Variants in ZBTB40 observed in about 807,000 individuals in gnomAD.
The protein encoded by ZBTB40 is zinc finger and BTB domain-containing protein 40.
Under a neutral mutation model 117.5 loss-of-function variants are expected in ZBTB40, and 60 were observed. The ratio of observed to expected loss-of-function variants is 0.51; its 90% CI spans 0.41 to 0.63. The LOEUF (loss-of-function observed/expected upper bound fraction) is 0.63. Among genes scored for constraint, ZBTB40 ranks in the 30% least tolerant of loss-of-function variants. The pLI is 0.00. For missense variants in ZBTB40, 1,287 were observed against 1,498.5 expected, an observed-to-expected ratio of 0.86 and a Z score of 2.33; for synonymous variants, 525 against 577.1, an observed-to-expected ratio of 0.91 and a Z score of 1.29.
upstream of ZBTB40, among the ~76,000 whole-genome samples, chr1:22,447,754 A>AGCAG (rs147473012): frequency 6.6e-6 from 1 of 152,348 alleles, no homozygotes; most frequent in East Asian, 1.9e-4. Flanking sequence ...GGGATGGATA[A>AGCAG]GCAGGCAGGC....
At position 22,462,559 on chromosome 1, in the gene ZBTB40, A is replaced by G. The variant is rs979516310; in HGVS notation, c.-70+10555A>G. Among the ~76,000 whole-genome samples, 4 of 152,194 alleles carry G rather than the reference A, an allele frequency of 2.6e-5. No individual in the cohort carries two copies. The South Asian group carries it at 8.3e-4, about 31-fold the overall frequency. On this transcript the variant is annotated intron_variant, in intron 1 of 17. Coordinates refer to ENST00000375647, the MANE Select transcript of ZBTB40 (RefSeq NM_014870.4). ...TCCACTTAGAATATATATCTAAGCC[A>G]TAGGTAACGGGAAGAGTCTCATTTC...
rs114141437 is a variant in ZBTB40 at position 22,474,274 on chromosome 1, C to T, written c.-69-15606C>T. 8.2e-3 allele frequency among the ~76,000 whole-genome samples: 1,249 copies of T among 152,304 alleles called. 12 individuals carry two copies. The highest frequency in any genetic ancestry group is 0.012 in the Non-Finnish European group (840 of 68,024). On this transcript the variant is annotated intron_variant, in intron 1 of 17. Coordinates refer to ENST00000375647, the MANE Select transcript of ZBTB40 (RefSeq NM_014870.4). ...GAAGGAATCATGATGACAGTGAAAG[C>T]ATTTGAAACAATGATGATACATGTG...
intron 1 of ZBTB40, among the ~76,000 whole-genome samples, chr1:22,444,223 G>A (rs1227847491): frequency 2.6e-5 from 4 of 152,036 alleles, no homozygotes; most frequent in Non-Finnish European, 5.9e-5. Flanking sequence ...GACCAGCCTG[G>A]CAAACATGCG....
intron 10 of ZBTB40, 151 bp from the exon 11 acceptor site, chr1:22,511,525 T>C (rs1050625229): frequency 1.6e-5 from 20 of 1,240,832 alleles, no homozygotes; most frequent in Admixed American, 5.1e-5. Flanking sequence ...TTTGTGTTTA[T>C]TGGAAAGTAA....
intron 1 of ZBTB40, among the ~76,000 whole-genome samples, chr1:22,445,184 C>T (rs1464441963): frequency 2.6e-5 from 4 of 152,180 alleles, no homozygotes; most frequent in African/African-American, 7.2e-5. Context: ...TACTGTAACA[C>T]GTTCAGCCAA....
At chr1:22,519,918 G>T in intron 13 of ZBTB40, 143 bp from the exon 14 acceptor site, 1 of 807,428 alleles carries the variant, frequency 1.2e-6, no homozygotes, top group Non-Finnish European at 2.2e-6. Context: ...TCTGATCCTT[G>T]GAGTCTATGA....
intron 1 of ZBTB40, among the ~76,000 whole-genome samples, chr1:22,477,348 G>A (rs1258657236): frequency 6.6e-6 from 1 of 152,140 alleles, no homozygotes; most frequent in African/African-American, 2.4e-5. Flanking sequence ...ACTGTTTTAA[G>A]TGTGAATACA....
upstream of ZBTB40, among the ~76,000 whole-genome samples, chr1:22,450,316 A>G (rs1640845329): frequency 6.6e-6 from 1 of 152,224 alleles, no homozygotes; most frequent in African/African-American, 2.4e-5. Flanking sequence ...TGTTTGCTAA[A>G]TCTAGCAACC....
intron 16 of ZBTB40, 81 bp from the exon 17 acceptor site, chr1:22,524,137 A>G: frequency 1.5e-6 from 2 of 1,359,056 alleles, no homozygotes; most frequent in African/African-American, 1.4e-5. Context: ...CTTTCCTCTC[A>G]TGTCTTCCTG....
At chr1:22,480,435 G>A (rs953406348) in intron 1 of ZBTB40, among the ~76,000 whole-genome samples, 1 of 152,080 alleles carries the variant, frequency 6.6e-6, no homozygotes, top group Non-Finnish European at 1.5e-5. Flanking sequence ...AGCTTTTATA[G>A]ATTTACTTTT....
chr1:22,476,062 C>T (rs1641542475), intron 1 of ZBTB40, among the ~76,000 whole-genome samples: 1 of 152,180 alleles, frequency 6.6e-6, no homozygotes, highest in Non-Finnish European at 1.5e-5. Context: ...ACAGAACATC[C>T]ACTTTATTGA....
intron 1 of ZBTB40, among the ~76,000 whole-genome samples, chr1:22,445,816 C>T (rs1433865522): frequency 6.8e-6 from 1 of 147,702 alleles, no homozygotes; most frequent in African/African-American, 2.5e-5. Flanking sequence ...GATCACACCA[C>T]TGCACTCCAG....
intron 3 of ZBTB40, among the ~76,000 whole-genome samples, chr1:22,498,587 G>T (rs1638843214): frequency 6.6e-6 from 1 of 152,196 alleles, no homozygotes; most frequent in South Asian, 2.1e-4. Context: ...TAGCATCACT[G>T]TTGAGCAACA....
rs1004892010 is a variant in ZBTB40, at chr1:22,528,144, G to A, written c.*1748G>A. On this transcript the variant is annotated 3_prime_UTR_variant, in exon 18 of 18. Transcript: ENST00000375647. The stretch of plus-strand genomic sequence containing the variant: ...GGCTCACTGTTTCTACCAAGGCTGT[G>A]CCTGTATTAAGGCTTTTCCGTCCTG... 7 of 152,804 alleles carry A rather than the reference G, an allele frequency of 4.6e-5. No individual in the cohort carries two copies. Among genetic ancestry groups the A allele is most frequent in the Non-Finnish European group, 7.3e-5 (5 of 68,060 alleles). The allele number at this position is 152,804 out of a possible 1,614,324, so 9.5% of individuals were successfully genotyped here. A position where few individuals can be genotyped will look rare whatever the true frequency, so the allele number is the denominator to read the frequency against.
In ZBTB40 at chr1:22,527,528, G is replaced by T. The variant is rs1444669940; in HGVS notation, c.*1132G>T. The T allele has an allele frequency of 6.6e-6, 1 of 152,400 alleles. No individual in the cohort carries two copies. The highest frequency in any genetic ancestry group is 1.5e-5 in the Non-Finnish European group (1 of 68,050). 9.4% of individuals were successfully genotyped at this position (152,400 alleles called of 1,614,324 possible). On this transcript the variant is annotated 3_prime_UTR_variant, in exon 18 of 18. Transcript: ENST00000375647. ...ATGAAGTGCAATTAGATAGATGTAG[G>T]TTCCTGCCGTTTGGAGAGAATGACT...
intron 1 of ZBTB40, among the ~76,000 whole-genome samples, chr1:22,468,643 C>CTTTTTTTTTTTTTTT (rs71020424): frequency 2.8e-4 from 8 of 28,610 alleles, no homozygotes; most frequent in Non-Finnish European, 3.6e-4. Context: ...GCCTGGCTGG[C>CTTTTTTTTTTTTTTT]TTTTTTTTTT....
At position 22,511,829 on chromosome 1, in the gene ZBTB40, G is replaced by C; in HGVS notation, c.2156G>C (p.Gly719Ala). Residue 719 changes from glycine (G) to alanine (A), a missense_variant, in exon 11 of 18, where the codon GGA becomes GCA. Transcript: ENST00000375647. ...NDQGETGSLP[G>A]QQEKEASASP... is the part of the protein sequence containing the mutation. ...CAAGGAGAGACTGGTTCCTTGCCAG[G>C]ACAGCAAGAGAAAGAGGCTTCAGCC... 6.2e-7 allele frequency: 1 copy of C among 1,614,156 alleles called. No homozygotes were observed. The highest frequency in any genetic ancestry group is 8.5e-7 in the Non-Finnish European group (1 of 1,180,016).
upstream of ZBTB40, among the ~76,000 whole-genome samples, chr1:22,448,946 G>A (rs1569751570): frequency 1.3e-5 from 2 of 151,946 alleles, no homozygotes; most frequent in East Asian, 3.8e-4. Context: ...CTGAGTAGCT[G>A]GGATTACAAG....
intron 13 of ZBTB40, chr1:22,519,721 C>T: frequency 2.7e-6 from 1 of 364,204 alleles, no homozygotes; most frequent in Non-Finnish European, 5.3e-6. Flanking sequence ...AGAATGCCCA[C>T]TGCAAACCGG....
Sources: gnomAD v4.1 joint callset for allele counts (sites outside exome capture counted in the v4.1 genomes callset) on GRCh38, gnomAD v4.1.1 for gene constraint, MANE v1.5 for transcripts, NCBI Gene and HGNC (gene_info 2026-07-23, HGNC 2026-07-21) for gene names.